Variants in AKAP14 observed in about 807,000 individuals in gnomAD.
AKAP14 encodes the protein A-kinase anchoring protein 14.
Under a neutral mutation model 17.0 loss-of-function variants are expected in AKAP14, and 4 were observed. That is an observed-to-expected ratio of 0.23 (90% CI 0.12 to 0.54). AKAP14 has a LOEUF of 0.54. Ranked by LOEUF, AKAP14 falls within the 20% of genes least tolerant of loss-of-function variation. AKAP14 has a pLI of 0.95. For missense variants in AKAP14, 129 were observed against 150.9 expected (o/e 0.85, Z 0.76); for synonymous variants, 42 against 51.3 (o/e 0.82, Z 0.77).
chrX:119,903,349 T>C lies in AKAP14; in HGVS notation c.126T>C (p.Ala42=). The change falls in exon 3 of 7, where the codon GCT becomes GCC. Residue 42 remains alanine, a synonymous_variant. Coordinates refer to ENST00000371431, the MANE Select transcript of AKAP14 (RefSeq NM_178813.6). The stretch of plus-strand genomic sequence containing the variant: ...ATGAATTGACTCAAGTAGCTCTAGC[T>C]CTGGTTGAGGATGTCATCAATTATG... ...YEDELTQVAL[A]LVEDVINYAV... 8.3e-7 allele frequency: 1 copy of C among 1,211,825 alleles called. No individual in the cohort carries two copies. Among genetic ancestry groups the C allele is most frequent in the South Asian group, 1.8e-5 (1 of 57,008 alleles).
At chrX:119,914,050 C>G (rs893894113) in intron 4 of AKAP14, among the ~76,000 whole-genome samples, 1 of 109,524 alleles carries the variant, frequency 9.1e-6, no homozygotes, top group Non-Finnish European at 1.9e-5. Context: ...GCCTGACCAA[C>G]ATGGTGAAAC....
chrX:119,903,283 A>G lies in AKAP14; in HGVS notation c.60A>G (p.Ala20=). The stretch of plus-strand genomic sequence containing the variant: ...CAATGGATGAGGATAACAAAGCCGC[A>G]AGCCAAACAATGCCGAATACACAAG... ...QKAMDEDNKA[A]SQTMPNTQDK... is the part of the protein sequence containing the mutation. The change falls in exon 3 of 7, where the codon GCA becomes GCG. Residue 20 remains alanine, a synonymous_variant. Coordinates refer to ENST00000371431, the MANE Select transcript of AKAP14 (RefSeq NM_178813.6). 1 of 1,212,059 alleles carries G rather than the reference A, an allele frequency of 8.3e-7. No individual in the cohort carries two copies. The highest frequency in any genetic ancestry group is 2.3e-4 in the Middle Eastern group (1 of 4,356).
At chrX:119,903,687 G>C (rs1463504766) in intron 4 of AKAP14, 101 bp downstream of exon 4, 1 of 1,152,577 alleles carries the variant, frequency 8.7e-7, no homozygotes, top group Non-Finnish European at 1.2e-6. Flanking sequence ...TCTAGGAGAT[G>C]GTATCAAAGG....
intron 4 of AKAP14, among the ~76,000 whole-genome samples, chrX:119,910,960 C>T (rs979625507): frequency 9.2e-6 from 1 of 108,604 alleles, no homozygotes; most frequent in Non-Finnish European, 1.9e-5. Context: ...CTGTGCCCGG[C>T]CTTTTTCTTC....
At chrX:119,901,416 CTT>C (rs2056564629) in intron 2 of AKAP14, among the ~76,000 whole-genome samples, 1 of 111,458 alleles carries the variant, frequency 9.0e-6, no homozygotes, top group Non-Finnish European at 1.9e-5. Context: ...TTAACACTAT[CTT>C]TATAGGCCAG....
chrX:119,904,639 C>A lies in AKAP14; in HGVS notation c.261+1053C>A, dbSNP rs1034978740. ...GTGGCTCACGCCTGTAAGCCCAGCA[C>A]TTTGGGAGGCCGAAGTGGGCAGATC... On this transcript the variant is annotated intron_variant, in intron 4 of 6. Transcript: ENST00000371431. Among the ~76,000 whole-genome samples the A allele has an allele frequency of 4.5e-5, 5 of 111,933 alleles. No homozygotes were observed. In the East Asian group the frequency reaches 1.4e-3, roughly 32 times the overall value.
intron 4 of AKAP14, among the ~76,000 whole-genome samples, chrX:119,907,297 A>G (rs1468138753): frequency 9.4e-6 from 1 of 106,303 alleles, no homozygotes; most frequent in African/African-American, 3.4e-5. Context: ...TGCCTGGCTA[A>G]TTTTTGCATT....
At chrX:119,917,057 G>T (rs1260668979) in intron 5 of AKAP14, among the ~76,000 whole-genome samples, 6 of 102,447 alleles carry the variant, frequency 5.9e-5, no homozygotes, top group African/African-American at 2.1e-4. Flanking sequence ...AGTGAGCCGA[G>T]ATTGCGCCAC....
intron 4 of AKAP14, among the ~76,000 whole-genome samples, chrX:119,910,408 A>G (rs1441255284): frequency 9.0e-6 from 1 of 111,337 alleles, no homozygotes; most frequent in Admixed American, 9.7e-5. Flanking sequence ...GTGAACCTTC[A>G]TCTTAATTCA....
intron 2 of AKAP14, among the ~76,000 whole-genome samples, chrX:119,902,168 C>G (rs1029168501): frequency 9.4e-6 from 1 of 106,756 alleles, no homozygotes; most frequent in African/African-American, 3.4e-5. Flanking sequence ...CTCCTGGGTC[C>G]CGGTTCAAGC....
chrX:119,896,911 G>A (rs1288575296), intron 2 of AKAP14, among the ~76,000 whole-genome samples: 1 of 102,949 alleles, frequency 9.7e-6, no homozygotes, highest in Non-Finnish European at 2.0e-5. Flanking sequence ...CTGGTTTCAA[G>A]TGATTCTCCT....
At chrX:119,899,930 A>G (rs1000339370) in intron 2 of AKAP14, among the ~76,000 whole-genome samples, 13 of 111,489 alleles carry the variant, frequency 1.2e-4, no homozygotes, top group Admixed American at 1.9e-4. Context: ...TGCTTGCAAC[A>G]TACTTATTTT....
intron 4 of AKAP14, among the ~76,000 whole-genome samples, chrX:119,910,772 C>T (rs1448418445): frequency 9.1e-6 from 1 of 110,343 alleles, no homozygotes; most frequent in Non-Finnish European, 1.9e-5. Flanking sequence ...AAACGATTCT[C>T]CTGCCTCAGC....
chrX:119,904,413 A>G (rs1388939574), intron 4 of AKAP14, among the ~76,000 whole-genome samples: 1 of 112,791 alleles, frequency 8.9e-6, no homozygotes, highest in Admixed American at 9.5e-5. Flanking sequence ...CTTTGCTGAG[A>G]AGGCCCTGGA....
chrX:119,897,610 T>A (rs2056538483), intron 2 of AKAP14, among the ~76,000 whole-genome samples: 1 of 112,313 alleles, frequency 8.9e-6, no homozygotes. Context: ...ATGGCCTAAG[T>A]AAGGGCTAGG....
rs2056543616 is a variant in AKAP14 at position 119,898,398 on chromosome X, G to T, written c.-11+2131G>T. On this transcript the variant is annotated intron_variant, in intron 2 of 6. Coordinates refer to ENST00000371431, the MANE Select transcript of AKAP14 (RefSeq NM_178813.6). ...ATTATTTCAGGGATGTTCAAAGGCT[G>T]TCCCAGTGGTTCTTGAACTGATGGC... Among the ~76,000 whole-genome samples, 4 of 112,552 alleles carry T rather than the reference G, an allele frequency of 3.6e-5. No homozygotes were observed. In the South Asian group the frequency reaches 1.4e-3, roughly 41 times the overall value.
intron 4 of AKAP14, among the ~76,000 whole-genome samples, chrX:119,911,361 A>G (rs542178003): frequency 1.8e-5 from 2 of 109,932 alleles, no homozygotes; most frequent in South Asian, 7.9e-4. Flanking sequence ...TTCAAAAAAA[A>G]AAAAAAGAAA....
chrX:119,903,687 G>A, intron 4 of AKAP14, 101 bp downstream of exon 4: 4 of 1,154,314 alleles, frequency 3.5e-6, no homozygotes, highest in Non-Finnish European at 4.6e-6. Context: ...TCTAGGAGAT[G>A]GTATCAAAGG....
intron 2 of AKAP14, 54 bp from the exon 3 acceptor site, chrX:119,903,160 G>A (rs1354261707): frequency 6.5e-6 from 7 of 1,070,007 alleles, no homozygotes; most frequent in Non-Finnish European, 7.5e-6. Context: ...TTATATGAGT[G>A]CGTTCACATG....
Sources: allele counts gnomAD v4.1 joint callset (sites outside exome capture counted in the v4.1 genomes callset), GRCh38; gene constraint gnomAD v4.1.1; transcripts MANE v1.5; gene names NCBI Gene and HGNC (gene_info 2026-07-23, HGNC 2026-07-21).